The following TRAF2 variants were observed in gnomAD, a reference collection of about 807,000 sequenced individuals.
TRAF2 encodes the protein TNF receptor associated factor 2.
A neutral mutation model predicts 55.6 loss-of-function variants in TRAF2; 6 were observed. That is an observed-to-expected ratio of 0.11 (90% CI 0.06 to 0.21). The LOEUF is 0.21. TRAF2 is among the 10% of genes least tolerant of loss of function. The probability of loss-of-function intolerance (pLI) is 1.00; values close to 1 mark genes in which losing one functional copy is unlikely to be tolerated. For missense variants in TRAF2, 561 were observed against 684.5 expected, an observed-to-expected ratio of 0.82 and a Z score of 2.01; for synonymous variants, 329 against 276.3, an observed-to-expected ratio of 1.19 and a Z score of -1.89.
At chr9:136,924,972 T>C (rs12555386) in intron 10 of TRAF2, among the ~76,000 whole-genome samples, 25,783 of 152,186 alleles carry the variant, frequency 0.17, 2,731 homozygotes, top group South Asian at 0.28. Context: ...CTCCTGACCT[T>C]GTGATCCGCC....
At chr9:136,908,329 A>G in intron 5 of TRAF2, 98 bp downstream of exon 5, 3 of 1,318,792 alleles carry the variant, frequency 2.3e-6, no homozygotes, top group Non-Finnish European at 3.0e-6. Flanking sequence ...GCCCCTTTGC[A>G]CTCGTTCCAC....
At chr9:136,907,672 G>A (rs1849986966) in intron 4 of TRAF2, among the ~76,000 whole-genome samples, 1 of 152,144 alleles carries the variant, frequency 6.6e-6, no homozygotes, top group Non-Finnish European at 1.5e-5. Flanking sequence ...GACCGCGTTG[G>A]GCTTGGTCAT....
intron 6 of TRAF2, among the ~76,000 whole-genome samples, chr9:136,915,339 G>A (rs1850215755): frequency 6.6e-6 from 1 of 152,146 alleles, no homozygotes; most frequent in Non-Finnish European, 1.5e-5. Flanking sequence ...CATTGTGGGA[G>A]CACCGTCTCC....
chr9:136,883,642 G>A (rs1849399094), upstream of TRAF2, among the ~76,000 whole-genome samples: 1 of 151,272 alleles, frequency 6.6e-6, no homozygotes, highest in Admixed American at 6.6e-5. Flanking sequence ...TCAGCCTCCT[G>A]AGTAATTGGG....
chr9:136,922,053 C>T (rs577510116), intron 9 of TRAF2, among the ~76,000 whole-genome samples: 21 of 152,326 alleles, frequency 1.4e-4, no homozygotes, highest in Middle Eastern at 3.4e-3. Context: ...CTGTAGGCAC[C>T]TTTCCTGTTT....
chr9:136,913,066 GGCACAGGTT>G, intron 6 of TRAF2, among the ~76,000 whole-genome samples: 1 of 152,154 alleles, frequency 6.6e-6, no homozygotes, highest in South Asian at 2.1e-4. Flanking sequence ...GAACCCGGGA[GGCACAGGTT>G]GCAGTCGCAG....
chr9:136,924,835 T>A (rs553059921), intron 10 of TRAF2, among the ~76,000 whole-genome samples: 1 of 151,908 alleles, frequency 6.6e-6, no homozygotes, highest in South Asian at 2.1e-4. Flanking sequence ...CCCTCCTGGG[T>A]TCAAGCGATT....
chr9:136,884,237 C>T (rs994015813), upstream of TRAF2, among the ~76,000 whole-genome samples: 12 of 151,738 alleles, frequency 7.9e-5, no homozygotes, highest in African/African-American at 2.9e-4. Context: ...CATGAGCCGC[C>T]GTGCCTGGCT....
intron 9 of TRAF2, 109 bp from the exon 10 acceptor site, chr9:136,923,743 T>G: frequency 1.7e-6 from 2 of 1,157,368 alleles, no homozygotes; most frequent in Non-Finnish European, 2.4e-6. Flanking sequence ...AGAACCTGAA[T>G]GTTTCTTTGT....
intron 1 of TRAF2, among the ~76,000 whole-genome samples, chr9:136,891,302 G>A (rs185299204): frequency 1.1e-4 from 16 of 151,932 alleles, no homozygotes; most frequent in Non-Finnish European, 2.4e-4. Context: ...TGGAGACGGG[G>A]TCTCACCATG....
chr9:136,900,611 G>A (rs748510596), intron 4 of TRAF2, 91 bp downstream of exon 4: 3 of 1,033,270 alleles, frequency 2.9e-6, no homozygotes, highest in South Asian at 1.3e-5. Context: ...TGTCCTGCAC[G>A]TTCCTCTCAC....
In TRAF2 at chr9:136,890,125, A is replaced by T. The variant is rs367681052; in HGVS notation, c.-29+3584A>T. Among the ~76,000 whole-genome samples, 226 of 68,348 alleles carry T rather than the reference A, an allele frequency of 3.3e-3. 5 individuals carry two copies. Among genetic ancestry groups the T allele is most frequent in the African/African-American group, 0.013 (218 of 16,834 alleles). 44.8% of individuals were successfully genotyped at this position (68,348 alleles called of 152,430 possible). On this transcript the variant is annotated intron_variant, in intron 1 of 10. Coordinates refer to ENST00000247668, the MANE Select transcript of TRAF2 (RefSeq NM_021138.4). ...AGCCGGTCACCGCGTGTGAGTCCCCACTGCACGCTCGTTCAGCCGGTCACC... is the reference window on the plus strand; with the variant it reads ...AGCCGGTCACCGCGTGTGAGTCCCCTCTGCACGCTCGTTCAGCCGGTCACC...
chr9:136,919,855 A>G (rs1468839710), intron 7 of TRAF2, among the ~76,000 whole-genome samples: 3 of 152,056 alleles, frequency 2.0e-5, no homozygotes, highest in African/African-American at 7.2e-5. Flanking sequence ...AGCTGGAACC[A>G]CTGGCACACA....
intron 8 of TRAF2, 151 bp downstream of exon 8, chr9:136,920,666 A>C: frequency 8.7e-7 from 1 of 1,149,220 alleles, no homozygotes; most frequent in South Asian, 1.7e-5. Context: ...GGTTTAGGGG[A>C]GGCTCTGGCC....
At chr9:136,915,857 C>T (rs1309773540) in intron 6 of TRAF2, among the ~76,000 whole-genome samples, 3 of 152,178 alleles carry the variant, frequency 2.0e-5, no homozygotes, top group Non-Finnish European at 4.4e-5. Context: ...AACTGATTCA[C>T]AGTTACGGCC....
intron 1 of TRAF2, among the ~76,000 whole-genome samples, chr9:136,888,929 G>T (rs1254882906): frequency 6.6e-6 from 1 of 152,154 alleles, no homozygotes; most frequent in African/African-American, 2.4e-5. Context: ...GCAGTGGCAC[G>T]ATCTCGGCTC....
In TRAF2 at chr9:136,921,128, G is replaced by A. The variant is rs747252505; in HGVS notation, c.1051G>A (p.Asp351Asn). 8 of 1,613,968 alleles carry A rather than the reference G, an allele frequency of 5.0e-6. No individual in the cohort carries two copies. Among genetic ancestry groups the A allele is most frequent in the South Asian group, 3.3e-5 (3 of 91,090 alleles). Reference sequence around the variant, plus strand: ...CTTGGAGATGGAGGCATCCACCTACGATGGGGTCTTCATCTGGAAGATCTC... The same window carrying A: ...CTTGGAGATGGAGGCATCCACCTACAATGGGGTCTTCATCTGGAAGATCTC... ...KVLEMEASTY[D>N]GVFIWKISDF... is the part of the protein sequence containing the mutation. The change falls in exon 9 of 11, where the codon GAT becomes AAT. Residue 351 changes from aspartate (D) to asparagine (N), a missense_variant. Asp to Asn is a conservative substitution (Grantham distance 23). Transcript: ENST00000247668.
chr9:136,916,456 C>G, intron 6 of TRAF2, 85 bp from the exon 7 acceptor site: 1 of 1,400,120 alleles, frequency 7.1e-7, no homozygotes. Flanking sequence ...CATGTAACCT[C>G]TGTGTCAGTC....
chr9:136,882,858 C>G, upstream of TRAF2: 1 of 456,860 alleles, frequency 2.2e-6, no homozygotes, highest in Non-Finnish European at 2.9e-6. Flanking sequence ...CTTGCTATGC[C>G]TTACAGGCCT....
Sources: gnomAD v4.1 joint callset for allele counts (sites outside exome capture counted in the v4.1 genomes callset) on GRCh38, gnomAD v4.1.1 for gene constraint, MANE v1.5 for transcripts, NCBI Gene and HGNC (gene_info 2026-07-23, HGNC 2026-07-21) for gene names.